RALA: variants seen among roughly 807,000 people sequenced by gnomAD.
RALA encodes the protein RAS like proto-oncogene A, also known as ras-related protein Ral-A.
Under a neutral mutation model 24.0 loss-of-function variants are expected in RALA, and 5 were observed. That is an observed-to-expected ratio of 0.21 (90% CI 0.11 to 0.44). The LOEUF is 0.44. RALA is among the 20% of genes least tolerant of loss of function. The pLI is 0.99. For missense variants in RALA, 95 were observed against 241.2 expected, an observed-to-expected ratio of 0.39 and a Z score of 4.01; for synonymous variants, 77 against 83.8, an observed-to-expected ratio of 0.92 and a Z score of 0.44.
At chr7:39,674,523 A>C (rs1344128726) in intron 1 of RALA, among the ~76,000 whole-genome samples, 1 of 152,146 alleles carries the variant, frequency 6.6e-6, no homozygotes, top group Non-Finnish European at 1.5e-5. Flanking sequence ...GTGATAGTCC[A>C]ATCATTCTAT....
chr7:39,649,996 G>A (rs1049493713), intron 1 of RALA, among the ~76,000 whole-genome samples: 1 of 152,200 alleles, frequency 6.6e-6, no homozygotes, highest in Non-Finnish European at 1.5e-5. Context: ...GTAGGCTTGG[G>A]AGAGAATAAA....
At chr7:39,651,391 C>G (rs2115969398) in intron 1 of RALA, among the ~76,000 whole-genome samples, 1 of 152,326 alleles carries the variant, frequency 6.6e-6, no homozygotes, top group South Asian at 2.1e-4. Flanking sequence ...GGCGTGAATA[C>G]TAGGATGTGT....
At chr7:39,683,840 AACACACACACACACAC>A (rs71964842) in intron 1 of RALA, among the ~76,000 whole-genome samples, 5 of 148,050 alleles carry the variant, frequency 3.4e-5, no homozygotes, top group African/African-American at 9.9e-5. Context: ...TTTTCTTTTG[AACACACACACACACAC>A]ACACACACAC....
chr7:39,661,917 C>T (rs940311056), intron 1 of RALA, among the ~76,000 whole-genome samples: 1 of 152,106 alleles, frequency 6.6e-6, no homozygotes, highest in Non-Finnish European at 1.5e-5. Flanking sequence ...GACATCCAGG[C>T]GTTTCTATAC....
At chr7:39,632,867 G>A (rs933178913) in intron 1 of RALA, among the ~76,000 whole-genome samples, 1 of 152,252 alleles carries the variant, frequency 6.6e-6, no homozygotes, top group East Asian at 1.9e-4. Flanking sequence ...GATGGATGTG[G>A]TAAGAAGCAG....
chr7:39,672,544 G>A (rs1382035652), intron 1 of RALA, among the ~76,000 whole-genome samples: 3 of 151,524 alleles, frequency 2.0e-5, no homozygotes, highest in Non-Finnish European at 4.4e-5. Flanking sequence ...GAAAACATGT[G>A]TAGACCTGTA....
intron 1 of RALA, among the ~76,000 whole-genome samples, chr7:39,668,746 G>A (rs1305315914): frequency 1.0e-4 from 15 of 146,734 alleles, no homozygotes; most frequent in Non-Finnish European, 3.0e-5. Flanking sequence ...GTGGTGAGCC[G>A]AGATCGCACC....
At chr7:39,636,849 C>T (rs905457814) in intron 1 of RALA, among the ~76,000 whole-genome samples, 4 of 149,068 alleles carry the variant, frequency 2.7e-5, no homozygotes, top group African/African-American at 9.7e-5. Context: ...GAGAGAGACA[C>T]GGGGGCAAGG....
intron 1 of RALA, among the ~76,000 whole-genome samples, chr7:39,650,186 T>C (rs1791996859): frequency 6.6e-6 from 1 of 152,192 alleles, no homozygotes; most frequent in Non-Finnish European, 1.5e-5. Context: ...GAGATCGGCA[T>C]GAGTGGAAGC....
intron 1 of RALA, among the ~76,000 whole-genome samples, chr7:39,662,621 A>C (rs551048061): frequency 8.5e-5 from 13 of 152,204 alleles, no homozygotes; most frequent in African/African-American, 2.9e-4. Context: ...CAAGTTCCTC[A>C]TCTCCCATCT....
At chr7:39,679,436 A>G (rs1036240835) in intron 1 of RALA, among the ~76,000 whole-genome samples, 5 of 152,190 alleles carry the variant, frequency 3.3e-5, no homozygotes, top group African/African-American at 1.2e-4. Flanking sequence ...AGTTTGGTGG[A>G]TAAAACGTTA....
intron 1 of RALA, among the ~76,000 whole-genome samples, chr7:39,656,462 A>C (rs1461165438): frequency 6.6e-6 from 1 of 152,212 alleles, no homozygotes; most frequent in Non-Finnish European, 1.5e-5. Flanking sequence ...GATTTTTGAT[A>C]GGAACAAGAA....
At chr7:39,633,744 G>T (rs903447158) in intron 1 of RALA, among the ~76,000 whole-genome samples, 10 of 152,166 alleles carry the variant, frequency 6.6e-5, no homozygotes, top group African/African-American at 1.2e-4. Flanking sequence ...CTTTGAGGCA[G>T]TTCTTTCTCC....
intron 1 of RALA, among the ~76,000 whole-genome samples, chr7:39,672,393 G>A (rs1453075787): frequency 1.3e-5 from 2 of 152,138 alleles, no homozygotes; most frequent in Non-Finnish European, 2.9e-5. Flanking sequence ...AGAAGCCTGG[G>A]ACAGTGCCAG....
At chr7:39,631,011 G>GTT (rs70996823) in intron 1 of RALA, among the ~76,000 whole-genome samples, 27 of 139,246 alleles carry the variant, frequency 1.9e-4, no homozygotes, top group East Asian at 6.2e-4. Context: ...TTTTGTTTTT[G>GTT]TTTTTTTTTT....
chr7:39,640,822 A>G (rs1791800987), intron 1 of RALA, among the ~76,000 whole-genome samples: 1 of 152,236 alleles, frequency 6.6e-6, no homozygotes, highest in African/African-American at 2.4e-5. Context: ...AAATAGTCAT[A>G]CTGTGGGTAT....
intron 4 of RALA, among the ~76,000 whole-genome samples, chr7:39,697,876 A>G (rs1051842256): frequency 6.6e-6 from 1 of 152,122 alleles, no homozygotes; most frequent in Non-Finnish European, 1.5e-5. Context: ...TAGGTCTAAG[A>G]TATCTGTACA....
At chr7:39,699,242 G>A (rs1192069515) in intron 4 of RALA, among the ~76,000 whole-genome samples, 3 of 135,310 alleles carry the variant, frequency 2.2e-5, no homozygotes, top group East Asian at 2.4e-4. Flanking sequence ...CCGGGTTCAC[G>A]CCATTCTCCT....
intron 1 of RALA, among the ~76,000 whole-genome samples, chr7:39,675,310 G>A (rs913022537): frequency 1.3e-5 from 2 of 152,178 alleles, no homozygotes; most frequent in African/African-American, 4.8e-5. Flanking sequence ...GTCACATGAG[G>A]TCAGGTGTAG....
Sources: allele counts gnomAD v4.1 joint callset (sites outside exome capture counted in the v4.1 genomes callset), GRCh38; gene constraint gnomAD v4.1.1; transcripts MANE v1.5; gene names NCBI Gene and HGNC (gene_info 2026-07-23, HGNC 2026-07-21).